GNAQ: variants seen among roughly 807,000 people sequenced by gnomAD.
GNAQ encodes guanine nucleotide-binding protein G(q) subunit alpha.
A neutral mutation model predicts 43.9 loss-of-function variants in GNAQ; 8 were observed. The observed-to-expected ratio is 0.18, with a 90% CI of 0.11 to 0.33. GNAQ has a LOEUF of 0.33. Among genes scored for constraint, GNAQ ranks in the 10% least tolerant of loss-of-function variants. The pLI is 1.00. For missense variants in GNAQ, 158 were observed against 450.8 expected, an observed-to-expected ratio of 0.35 and a Z score of 5.88; for synonymous variants, 155 against 170.7, an observed-to-expected ratio of 0.91 and a Z score of 0.71.
At chr9:77,775,154 A>G (rs1826287774) in intron 5 of GNAQ, among the ~76,000 whole-genome samples, 1 of 152,094 alleles carries the variant, frequency 6.6e-6, no homozygotes, top group Non-Finnish European at 1.5e-5. Context: ...TTTTAGGTGT[A>G]CTCTGAATTT....
At chr9:77,950,871 T>C (rs1293888766) in intron 1 of GNAQ, among the ~76,000 whole-genome samples, 1 of 152,104 alleles carries the variant, frequency 6.6e-6, no homozygotes, top group African/African-American at 2.4e-5. Flanking sequence ...GAGACATCTA[T>C]AAAACATAAT....
chr9:77,974,072 TCCAA>T (rs1823270811), intron 1 of GNAQ, among the ~76,000 whole-genome samples: 1 of 152,194 alleles, frequency 6.6e-6, no homozygotes, highest in Non-Finnish European at 1.5e-5. Context: ...AACTCATTCA[TCCAA>T]CCATTATATT....
chr9:77,900,273 C>T (rs545912482), intron 2 of GNAQ, among the ~76,000 whole-genome samples: 3 of 152,186 alleles, frequency 2.0e-5, no homozygotes, highest in East Asian at 1.9e-4. Flanking sequence ...AACACATGTA[C>T]GAATAACACA....
intron 5 of GNAQ, among the ~76,000 whole-genome samples, chr9:77,792,507 C>G (rs1026956352): frequency 6.6e-6 from 1 of 151,968 alleles, no homozygotes; most frequent in Non-Finnish European, 1.5e-5. Flanking sequence ...TCACTATTAG[C>G]TATGTCTGAG....
intron 5 of GNAQ, among the ~76,000 whole-genome samples, chr9:77,763,899 T>C (rs904745028): frequency 2.3e-4 from 35 of 152,252 alleles, no homozygotes; most frequent in Non-Finnish European, 4.4e-5. Context: ...AAAGAGCTTT[T>C]CTTGTTCTTT....
At chr9:77,779,556 T>C (rs1265540945) in intron 5 of GNAQ, among the ~76,000 whole-genome samples, 1 of 151,120 alleles carries the variant, frequency 6.6e-6, no homozygotes, top group African/African-American at 2.4e-5. Context: ...AGTAATAAAA[T>C]TTAGAGCAGA....
chr9:77,946,024 C>G (rs747436776), intron 1 of GNAQ, among the ~76,000 whole-genome samples: 16 of 152,212 alleles, frequency 1.1e-4, no homozygotes, highest in Non-Finnish European at 1.8e-4. Context: ...AAGTGGAGGA[C>G]GAGAGCTTGA....
At chr9:77,834,273 T>G (rs934385813) in intron 2 of GNAQ, among the ~76,000 whole-genome samples, 1 of 152,202 alleles carries the variant, frequency 6.6e-6, no homozygotes, top group Admixed American at 6.5e-5. Context: ...TCTTGTAGTT[T>G]ACAACCATTT....
chr9:77,818,701 A>C (rs1457895491), intron 2 of GNAQ, among the ~76,000 whole-genome samples: 1 of 152,146 alleles, frequency 6.6e-6, no homozygotes, highest in Non-Finnish European at 1.5e-5. Flanking sequence ...AACATTGTGC[A>C]CAGAAAAGCA....
At chr9:77,876,636 C>A (rs1485499805) in intron 2 of GNAQ, among the ~76,000 whole-genome samples, 4 of 152,156 alleles carry the variant, frequency 2.6e-5, no homozygotes, top group South Asian at 2.1e-4. Context: ...TTCCTAGGTG[C>A]CAGGCATTAT....
intron 5 of GNAQ, among the ~76,000 whole-genome samples, chr9:77,761,721 T>TG (rs1477860741): frequency 1.5e-4 from 7 of 46,866 alleles, no homozygotes; most frequent in Admixed American, 1.1e-3. Flanking sequence ...GGGAGGGAGG[T>TG]GGGGGGGTCA....
chr9:77,774,007 T>C (rs562091409), intron 5 of GNAQ, among the ~76,000 whole-genome samples: 10 of 151,752 alleles, frequency 6.6e-5, no homozygotes, highest in African/African-American at 1.5e-4. Flanking sequence ...TTTTTTTTTT[T>C]AAAAAGGAAG....
intron 5 of GNAQ, among the ~76,000 whole-genome samples, chr9:77,736,011 A>T (rs1383751413): frequency 3.3e-5 from 5 of 152,220 alleles, no homozygotes; most frequent in African/African-American, 1.2e-4. Flanking sequence ...AAATTGCTAC[A>T]TAAGAACCTC....
At chr9:77,941,635 A>G (rs942464881) in intron 1 of GNAQ, among the ~76,000 whole-genome samples, 4 of 152,180 alleles carry the variant, frequency 2.6e-5, no homozygotes, top group Non-Finnish European at 5.9e-5. Flanking sequence ...ATGCTCATGT[A>G]TGTTGCAAAT....
At position 77,792,106 on chromosome 9, in the gene GNAQ, T is replaced by C. The variant is rs943364524; in HGVS notation, c.735+2357A>G. The stretch of plus-strand genomic sequence containing the variant: ...AGTACTTCCTAATTACAGACAGTGA[T>C]AGCTGTGGCTAATATGGATGAAGGA... On this transcript the variant is annotated intron_variant, in intron 5 of 6. Coordinates refer to ENST00000286548, the MANE Select transcript of GNAQ (RefSeq NM_002072.5). 3.9e-4 allele frequency among the ~76,000 whole-genome samples: 59 copies of C among 152,188 alleles called. 1 individual carries two copies. Among genetic ancestry groups the C allele is most frequent in the African/African-American group, 1.4e-3 (59 of 41,466 alleles).
intron 1 of GNAQ, among the ~76,000 whole-genome samples, chr9:77,931,495 G>A (rs1461392945): frequency 1.3e-5 from 2 of 151,994 alleles, no homozygotes; most frequent in East Asian, 1.9e-4. Flanking sequence ...GGAGGCTGAG[G>A]CAGGAGGATG....
rs577285741 is a variant in GNAQ, at chr9:77,923,384, CAAT to C, written c.137-1042_137-1040del. Among the ~76,000 whole-genome samples, 10 of 152,134 alleles carry C rather than the reference CAAT, an allele frequency of 6.6e-5. No homozygotes were observed. The East Asian group carries it at 1.9e-3, about 29-fold the overall frequency. Reference sequence around the variant, plus strand: ...TGTGCTATCTCCTTTTTCACATCTTCAATATTACTTTTCCGTTACCATAAGCCT... The same window carrying C: ...TGTGCTATCTCCTTTTTCACATCTTCATTACTTTTCCGTTACCATAAGCCT... On this transcript the variant is annotated intron_variant, in intron 1 of 6. Coordinates refer to ENST00000286548, the MANE Select transcript of GNAQ (RefSeq NM_002072.5).
intron 5 of GNAQ, among the ~76,000 whole-genome samples, chr9:77,761,358 C>T (rs1826015585): frequency 7.4e-6 from 1 of 135,708 alleles, no homozygotes; most frequent in Non-Finnish European, 1.6e-5. Flanking sequence ...GCCGCCCCGT[C>T]CGGGAGGTGA....
intron 1 of GNAQ, among the ~76,000 whole-genome samples, chr9:77,949,473 T>C (rs1822947791): frequency 6.6e-6 from 1 of 151,988 alleles, no homozygotes; most frequent in African/African-American, 2.4e-5. Flanking sequence ...TCCCAGCAAA[T>C]ATGAACTTGG....
Sources: allele counts gnomAD v4.1 joint callset (sites outside exome capture counted in the v4.1 genomes callset), GRCh38; gene constraint gnomAD v4.1.1; transcripts MANE v1.5; gene names NCBI Gene and HGNC (gene_info 2026-07-23, HGNC 2026-07-21).